The following PRSS12 variants were observed in gnomAD, a reference collection of about 807,000 sequenced individuals.
PRSS12 encodes neurotrypsin.
A neutral mutation model predicts 104.4 loss-of-function variants in PRSS12; 85 were observed. The observed-to-expected ratio is 0.81, with a 90% CI of 0.68 to 0.98. The LOEUF (loss-of-function observed/expected upper bound fraction) is 0.98, where lower values mean the gene tolerates loss of function less well. Among genes scored for constraint, PRSS12 ranks in the 50% least tolerant of loss-of-function variants. The probability of loss-of-function intolerance (pLI) is 0.00; values close to 1 mark genes in which losing one functional copy is unlikely to be tolerated. For missense variants in PRSS12, 1,141 were observed against 1,139.2 expected (o/e 1.00, Z -0.02); for synonymous variants, 454 against 425.2 (o/e 1.07, Z -0.83).
At chr4:118,338,639 A>C (rs1474236748) in intron 1 of PRSS12, among the ~76,000 whole-genome samples, 1 of 152,164 alleles carries the variant, frequency 6.6e-6, no homozygotes, top group African/African-American at 2.4e-5. Context: ...AAGGGGGAAA[A>C]AGTGGAAGAA....
At chr4:118,316,347 G>A (rs1234495154) in intron 5 of PRSS12, 24 bp from the exon 6 acceptor site, 3 of 1,613,644 alleles carry the variant, frequency 1.9e-6, no homozygotes, top group African/African-American at 2.7e-5. Context: ...GAGACACAGA[G>A]ACTAAGCAAA....
chr4:118,285,555 T>C (rs557891706), intron 11 of PRSS12, among the ~76,000 whole-genome samples: 126 of 152,282 alleles, frequency 8.3e-4, no homozygotes, highest in African/African-American at 9.1e-4. Context: ...TAGTGCCCGA[T>C]ATAGTAGCCA....
chr4:118,281,798 C>A lies in PRSS12; in HGVS notation c.*138G>T. On this transcript the variant is annotated 3_prime_UTR_variant, in exon 13 of 13. Transcript: ENST00000296498. ...ATGTTCACAAATTTCTCAAAAGCAG[C>A]AGGGGGTACACAATTTTTTACCACA... 1 of 688,236 alleles carries A rather than the reference C, an allele frequency of 1.5e-6. No individual in the cohort carries two copies. 42.6% of individuals were successfully genotyped at this position (688,236 alleles called of 1,614,324 possible). A position where few individuals can be genotyped will look rare whatever the true frequency, so the allele number is the denominator to read the frequency against.
At chr4:118,312,658 T>A (rs1038594909) in intron 7 of PRSS12, among the ~76,000 whole-genome samples, 2 of 152,296 alleles carry the variant, frequency 1.3e-5, no homozygotes, top group South Asian at 4.1e-4. Context: ...GTTTCTAAAA[T>A]AACAAGTTAC....
chr4:118,307,802 A>G (rs1299518479), intron 8 of PRSS12, among the ~76,000 whole-genome samples: 1 of 151,892 alleles, frequency 6.6e-6, no homozygotes, highest in African/African-American at 2.4e-5. Flanking sequence ...TCACACCACA[A>G]CCTTTCTGCA....
chr4:118,313,799 T>C (rs1173270215), intron 6 of PRSS12, among the ~76,000 whole-genome samples: 2 of 152,166 alleles, frequency 1.3e-5, no homozygotes, highest in African/African-American at 4.8e-5. Context: ...GCAGCTTCTC[T>C]TTGGTCTTCT....
At position 118,352,573 on chromosome 4, in the gene PRSS12, G is replaced by T. The variant is rs780910421; in HGVS notation, c.148C>A (p.Gln50Lys). The change falls in exon 1 of 13, where the codon CAG becomes AAG. Residue 50 changes from glutamine (Q) to lysine (K), a missense_variant. Physicochemically the swap from Gln to Lys is moderately conservative, Grantham distance 53. Transcript: ENST00000296498. The part of the protein sequence containing the change: ...GPHYPYYLPT[Q>K]QRPPRTRPPP... ...GGACGCGTCCTCGGGGGCCGCTGCT[G>T]GGTGGGAAGGTAATAGGGGTAGTGC... 2.5e-6 allele frequency: 4 copies of T among 1,573,128 alleles called. No homozygotes were observed. In the South Asian group the frequency reaches 4.6e-5, roughly 18 times the overall value.
At chr4:118,319,257 G>T (rs1723543371) in intron 4 of PRSS12, among the ~76,000 whole-genome samples, 1 of 152,008 alleles carries the variant, frequency 6.6e-6, no homozygotes. Context: ...TTGAAGTGGT[G>T]GGGTTTCAGT....
At chr4:118,299,038 T>A in intron 8 of PRSS12, 100 bp from the exon 9 acceptor site, 6 of 1,313,094 alleles carry the variant, frequency 4.6e-6, no homozygotes, top group Non-Finnish European at 5.3e-6. Flanking sequence ...TTTTACATAT[T>A]AAAATTAGCA....
intron 4 of PRSS12, among the ~76,000 whole-genome samples, chr4:118,321,517 C>G (rs920232978): frequency 6.6e-6 from 1 of 152,164 alleles, no homozygotes; most frequent in Non-Finnish European, 1.5e-5. Flanking sequence ...GGATGCAAAG[C>G]TGAACACAGG....
intron 3 of PRSS12, 91 bp downstream of exon 3, chr4:118,335,382 G>A (rs1225322500): frequency 2.1e-6 from 3 of 1,448,352 alleles, no homozygotes; most frequent in East Asian, 4.7e-5. Context: ...AGTCTTTAAG[G>A]AAATGATTAT....
rs140737635 is a variant in PRSS12 at position 118,335,169 on chromosome 4, ATG to A, written c.820+302_820+303del. Among the ~76,000 whole-genome samples the A allele has an allele frequency of 4.0e-3, 605 of 152,248 alleles. 5 individuals carry two copies. The highest frequency in any genetic ancestry group is 0.014 in the African/African-American group (567 of 41,560). On this transcript the variant is annotated intron_variant, in intron 3 of 12. Transcript: ENST00000296498. ...CATCATAATTTTCCATGACTAAAAT[ATG>A]TGTTTCATATACAATATATTATACA...
rs183879049 is a variant in PRSS12, at chr4:118,327,162, T to A, written c.971+4554A>T. ...AAAATAAAAGAGCAAAGAAAAAAAA[T>A]TTTTTTTTTTGAAACAGGGTCTTAC... is the stretch of plus-strand genomic sequence containing the variant. On this transcript the variant is annotated intron_variant, in intron 4 of 12. Transcript: ENST00000296498. Among the ~76,000 whole-genome samples the A allele has an allele frequency of 7.6e-3, 1,124 of 148,716 alleles. 14 individuals carry two copies. The highest frequency in any genetic ancestry group is 0.025 in the African/African-American group (1,002 of 40,438).
intron 4 of PRSS12, among the ~76,000 whole-genome samples, chr4:118,322,652 G>A (rs895390601): frequency 6.6e-6 from 1 of 150,980 alleles, no homozygotes; most frequent in Non-Finnish European, 1.5e-5. Context: ...CCCACAATTT[G>A]GGGATGGAGG....
chr4:118,320,754 AAATAAT>A (rs551930491), intron 4 of PRSS12, among the ~76,000 whole-genome samples: 4 of 152,072 alleles, frequency 2.6e-5, no homozygotes, highest in African/African-American at 9.7e-5. Context: ...TCCTGTCTCA[AAATAAT>A]AATAATAATA....
At chr4:118,344,292 A>C (rs950276788) in intron 1 of PRSS12, among the ~76,000 whole-genome samples, 1 of 152,164 alleles carries the variant, frequency 6.6e-6, no homozygotes, top group African/African-American at 2.4e-5. Flanking sequence ...TCAATTATAA[A>C]ATATATTTAA....
At chr4:118,292,368 G>C (rs1451780093) in intron 11 of PRSS12, among the ~76,000 whole-genome samples, 1 of 152,202 alleles carries the variant, frequency 6.6e-6, no homozygotes, top group Non-Finnish European at 1.5e-5. Context: ...AGATTCAGCA[G>C]ATTTAGAGCA....
chr4:118,300,479 C>T (rs916917779), intron 8 of PRSS12, among the ~76,000 whole-genome samples: 2 of 152,090 alleles, frequency 1.3e-5, no homozygotes, highest in Non-Finnish European at 2.9e-5. Flanking sequence ...ATTTAGAACT[C>T]AATTTCTGAT....
At position 118,338,280 on chromosome 4, in the gene PRSS12, A is replaced by G. The variant is rs746612696; in HGVS notation, c.537T>C (p.Phe179=). 7 of 1,614,062 alleles carry G rather than the reference A, an allele frequency of 4.3e-6. No individual in the cohort carries two copies. In the East Asian group the frequency reaches 1.3e-4, roughly 31 times the overall value. ...SVRLRGGKNE[F]EGTVEVYASG... is the part of the protein sequence containing the mutation. Reference sequence around the variant, plus strand: ...TTGCATATACTTCCACTGTGCCTTCAAACTCATTTTTGCCGCCACGAAGTC... The same window carrying G: ...TTGCATATACTTCCACTGTGCCTTCGAACTCATTTTTGCCGCCACGAAGTC... The change falls in exon 2 of 13, where the codon TTT becomes TTC. Residue 179 remains phenylalanine (F), a synonymous_variant. Coordinates refer to ENST00000296498, the MANE Select transcript of PRSS12 (RefSeq NM_003619.4).
Sources: gnomAD v4.1 joint callset for allele counts (sites outside exome capture counted in the v4.1 genomes callset) on GRCh38, gnomAD v4.1.1 for gene constraint, MANE v1.5 for transcripts, NCBI Gene and HGNC (gene_info 2026-07-23, HGNC 2026-07-21) for gene names.